The following FLYWCH1 variants were observed in gnomAD, a reference collection of about 807,000 sequenced individuals.
FLYWCH1 encodes the protein FLYWCH-type zinc finger 1, also known as FLYWCH-type zinc finger-containing protein 1.
FLYWCH1 carries 75 observed loss-of-function variants against 66.4 expected under a neutral mutation model. The ratio of observed to expected loss-of-function variants is 1.13; its 90% CI spans 0.94 to 1.37. The LOEUF is 1.37. Among genes scored for constraint, FLYWCH1 ranks in the 40% most tolerant of loss-of-function variants. The probability of loss-of-function intolerance (pLI) is 0.00; values close to 1 mark genes in which losing one functional copy is unlikely to be tolerated. For synonymous variants in FLYWCH1, 595 were observed against 429.9 expected, an observed-to-expected ratio of 1.38 and a Z score of -4.75; for missense variants, 1,334 against 1,001.8, an observed-to-expected ratio of 1.33 and a Z score of -4.48.
Position 2,948,680 on chromosome 16 carries a change from G to C in FLYWCH1, c.2112-8G>C. On this transcript the variant is annotated splice_polypyrimidine_tract_variant and splice_region_variant and intron_variant, in intron 9 of 9. Coordinates refer to ENST00000253928, the MANE Select transcript of FLYWCH1 (RefSeq NM_001308068.2). ...GTGTGCAATGAACATGTGTCTCTTT[G>C]TAATTAGGGACATCAAAGACGTCAG... The C allele has an allele frequency of 1.2e-6, 2 of 1,613,452 alleles. No individual in the cohort carries two copies. Among genetic ancestry groups the C allele is most frequent in the East Asian group, 4.5e-5 (2 of 44,892 alleles).
chr16:2,916,624 G>A (rs1477546023), intron 2 of FLYWCH1, among the ~76,000 whole-genome samples: 4 of 151,708 alleles, frequency 2.6e-5, no homozygotes, highest in Non-Finnish European at 4.4e-5. Flanking sequence ...GTGACAGAGC[G>A]AGACTCCATC....
At chr16:2,929,228 C>G (rs761308038) in intron 2 of FLYWCH1, among the ~76,000 whole-genome samples, 1 of 152,184 alleles carries the variant, frequency 6.6e-6, no homozygotes, top group Non-Finnish European at 1.5e-5. Flanking sequence ...CCTCACTATC[C>G]TCGTCTATAA....
In FLYWCH1 at chr16:2,937,199, C is replaced by T. The variant is rs771331897; in HGVS notation, c.1592C>T (p.Ala531Val). 9.4e-6 allele frequency: 14 copies of T among 1,494,722 alleles called. No individual in the cohort carries two copies. In the East Asian group the frequency reaches 1.9e-4, roughly 20 times the overall value. 92.6% of individuals were successfully genotyped at this position (1,494,722 alleles called of 1,614,324 possible). The change falls in exon 7 of 10, where the codon GCG (alanine) becomes GTG (valine). Residue 531 changes from alanine to valine, a missense_variant. By Grantham distance (64) the Ala-to-Val change is moderately conservative. Transcript: ENST00000253928. ...YESFLYRREKAAGEKVYWTCR... is the reference protein window; with the variant it reads ...YESFLYRREKVAGEKVYWTCR... ...TCCTTCCTCTACCGGCGGGAGAAGG[C>T]GGCCGGGGAGAAGGTGTATTGGACC...
chr16:2,922,139 T>C (rs1414740483), intron 2 of FLYWCH1, among the ~76,000 whole-genome samples: 1 of 152,154 alleles, frequency 6.6e-6, no homozygotes, highest in Admixed American at 6.5e-5. Flanking sequence ...ATAACTTTAG[T>C]TACTAGAAAA....
Position 2,933,466 on chromosome 16 carries a change from C to A in FLYWCH1, c.1133C>A (p.Pro378Gln), listed in dbSNP as rs375862744. ...GVDSLLYRRG[P>Q]GPLTLTRPRP... ...GATAGTTTGCTCTACCGCAGGGGTC[C>A]GGGTCCCCTGACTCTCACCAGGCCT... Residue 378 changes from proline (P) to glutamine (Q), a missense_variant, in exon 5 of 10, where the codon CCG (proline) becomes CAG (glutamine). Pro to Gln is a moderately conservative substitution (Grantham distance 76). Coordinates refer to ENST00000253928, the MANE Select transcript of FLYWCH1 (RefSeq NM_001308068.2). The A allele has an allele frequency of 5.0e-6, 8 of 1,602,846 alleles. No homozygotes were observed. The South Asian group carries it at 6.7e-5, about 13-fold the overall frequency.
chr16:2,922,757 G>T, intron 2 of FLYWCH1: 1 of 515,300 alleles, frequency 1.9e-6, no homozygotes, highest in South Asian at 1.4e-5. Flanking sequence ...TCAGGGTATT[G>T]ACCTGGGCCA....
In FLYWCH1 at chr16:2,930,987, A is replaced by C. The variant is rs1210259702; in HGVS notation, c.796+107A>C. On this transcript the variant is annotated intron_variant, in intron 4 of 9. Coordinates refer to ENST00000253928, the MANE Select transcript of FLYWCH1 (RefSeq NM_001308068.2). ...GGTCCCACAGGGTCTTTTAAAATGT[A>C]CTCAAAGCTAAAATGACTTTTAAAA... 10 of 837,818 alleles carry C rather than the reference A, an allele frequency of 1.2e-5. No individual in the cohort carries two copies. In the African/African-American group the frequency reaches 1.7e-4, roughly 15 times the overall value. 51.9% of individuals were successfully genotyped at this position (837,818 alleles called of 1,614,324 possible).
chr16:2,938,230 G>A lies in FLYWCH1; in HGVS notation c.1824G>A (p.Arg608=). The part of the protein sequence containing the change: ...LEFLRTSLGG[R]FLVHESFLYR... ...TCCTGAGGACTTCCCTGGGGGGCAGGTTCCTGGTGCACGAGTCCTTCCTCT... is the reference window on the plus strand; with the variant it reads ...TCCTGAGGACTTCCCTGGGGGGCAGATTCCTGGTGCACGAGTCCTTCCTCT... Residue 608 remains arginine (R), a synonymous_variant, in exon 8 of 10, where the codon AGG becomes AGA. Coordinates refer to ENST00000253928, the MANE Select transcript of FLYWCH1 (RefSeq NM_001308068.2). 1.2e-6 allele frequency: 2 copies of A among 1,613,160 alleles called. No individual in the cohort carries two copies. The highest frequency in any genetic ancestry group is 1.7e-6 in the Non-Finnish European group (2 of 1,179,592).
chr16:2,918,561 C>T (rs2070256508), intron 2 of FLYWCH1, among the ~76,000 whole-genome samples: 1 of 151,882 alleles, frequency 6.6e-6, no homozygotes, highest in Non-Finnish European at 1.5e-5. Flanking sequence ...CTGCCTCAGC[C>T]TCCTGAATAG....
At chr16:2,920,030 G>A (rs1253225678) in intron 2 of FLYWCH1, among the ~76,000 whole-genome samples, 1 of 152,162 alleles carries the variant, frequency 6.6e-6, no homozygotes, top group Non-Finnish European at 1.5e-5. Flanking sequence ...AGAAAAGCAA[G>A]CGCCTTAAAG....
In FLYWCH1 at chr16:2,913,314, T is replaced by C. The variant is rs568330610; in HGVS notation, c.-187-862T>C. ...AGAGGGAAGATGGGTATATCAGGCATAGAGGGAGAGAGATTTGAGGATGCA... is the reference window on the plus strand; with the variant it reads ...AGAGGGAAGATGGGTATATCAGGCACAGAGGGAGAGAGATTTGAGGATGCA... On this transcript the variant is annotated intron_variant, in intron 1 of 9. Transcript: ENST00000253928. 2.6e-5 allele frequency: 4 copies of C among 152,282 alleles called. No individual in the cohort carries two copies. In the East Asian group the frequency reaches 7.7e-4, roughly 29 times the overall value. 9.4% of individuals were successfully genotyped at this position (152,282 alleles called of 1,614,324 possible). A position where few individuals can be genotyped will look rare whatever the true frequency, so the allele number is the denominator to read the frequency against.
At position 2,937,243 on chromosome 16, in the gene FLYWCH1, A is replaced by C; in HGVS notation, c.1636A>C (p.Met546Leu). 1 of 1,606,040 alleles carries C rather than the reference A, an allele frequency of 6.2e-7. No individual in the cohort carries two copies. The highest frequency in any genetic ancestry group is 8.5e-7 in the Non-Finnish European group (1 of 1,177,640). The change falls in exon 7 of 10, where the codon ATG becomes CTG. Residue 546 changes from methionine to leucine, a missense_variant. Met to Leu is a conservative substitution (Grantham distance 15). Coordinates refer to ENST00000253928, the MANE Select transcript of FLYWCH1 (RefSeq NM_001308068.2). ...TTGGACCTGCCGGGACCAGGCCCGC[A>C]TGGGCTGCCGCAGCCGCGCCATCAC... ...VYWTCRDQAR[M>L]GCRSRAITQG... is the part of the protein sequence containing the mutation.
chr16:2,929,896 G>A lies in FLYWCH1; in HGVS notation c.211G>A (p.Ala71Thr). 2 of 1,613,740 alleles carry A rather than the reference G, an allele frequency of 1.2e-6. No individual in the cohort carries two copies. Among genetic ancestry groups the A allele is most frequent in the Non-Finnish European group, 1.7e-6 (2 of 1,179,882 alleles). The change falls in exon 3 of 10, where the codon GCT (alanine) becomes ACT (threonine). Residue 71 changes from alanine to threonine, a missense_variant. By Grantham distance (58) the Ala-to-Thr change is moderately conservative. Coordinates refer to ENST00000253928, the MANE Select transcript of FLYWCH1 (RefSeq NM_001308068.2). Reference sequence around the variant, plus strand: ...GCACTGCGTCCTGTCCCTGGAGATGGCTGGCCCCGCCACCCTCGCCAGCAC... The same window carrying A: ...GCACTGCGTCCTGTCCCTGGAGATGACTGGCCCCGCCACCCTCGCCAGCAC... ...EVHCVLSLEMAGPATLASTLQ... is the reference protein window; with the variant it reads ...EVHCVLSLEMTGPATLASTLQ...
intron 9 of FLYWCH1, among the ~76,000 whole-genome samples, chr16:2,942,949 G>T (rs889871636): frequency 6.6e-6 from 1 of 151,760 alleles, no homozygotes; most frequent in Non-Finnish European, 1.5e-5. Flanking sequence ...TGATCCACCC[G>T]CCTCGGACTC....
chr16:2,939,711 T>A (rs1165998416), intron 8 of FLYWCH1: 1 of 283,926 alleles, frequency 3.5e-6, no homozygotes, highest in Non-Finnish European at 6.8e-6. Context: ...ACAAGAAATT[T>A]TTTTGAGAAA....
chr16:2,923,724 T>A (rs933217456), intron 2 of FLYWCH1, among the ~76,000 whole-genome samples: 1 of 152,114 alleles, frequency 6.6e-6, no homozygotes, highest in African/African-American at 2.4e-5. Flanking sequence ...CATAACCGTT[T>A]GCATTATTCC....
chr16:2,922,940 C>T (rs564611805), intron 2 of FLYWCH1: 5 of 524,022 alleles, frequency 9.5e-6, no homozygotes, highest in Admixed American at 1.9e-5. Context: ...GGCGCTCTTC[C>T]GAGGATATTT....
In FLYWCH1 at chr16:2,933,271, G is replaced by A. The variant is rs374207594; in HGVS notation, c.938G>A (p.Arg313Gln). 48 of 1,612,830 alleles carry A rather than the reference G, an allele frequency of 3.0e-5. No homozygotes were observed. The highest frequency in any genetic ancestry group is 2.2e-4 in the Admixed American group (13 of 59,906). The change falls in exon 5 of 10, where the codon CGG becomes CAG. Residue 313 changes from arginine to glutamine, a missense_variant. By Grantham distance (43) the Arg-to-Gln change is conservative (BLOSUM62 1). Transcript: ENST00000253928. ...CGGGACCACGCGCTGCACGGCTGCC[G>A]GAGCCGGGCCATCACCCAGGGACAG... ...TCRDHALHGC[R>Q]SRAITQGQRV...
At chr16:2,945,676 CTTAAAAATT>C (rs1323702226) in intron 9 of FLYWCH1, among the ~76,000 whole-genome samples, 1 of 149,256 alleles carries the variant, frequency 6.7e-6, no homozygotes, top group Non-Finnish European at 1.5e-5. Context: ...TAAAGTCCAA[CTTAAAAATT>C]TTAAAATCCT....
Sources: allele counts gnomAD v4.1 joint callset (sites outside exome capture counted in the v4.1 genomes callset), GRCh38; gene constraint gnomAD v4.1.1; transcripts MANE v1.5; gene names NCBI Gene and HGNC (gene_info 2026-07-23, HGNC 2026-07-21).